The following DNAH17 variants were observed in gnomAD, a reference collection of about 807,000 sequenced individuals.
DNAH17 encodes axonemal beta dynein heavy chain 17.
In DNAH17, 376 loss-of-function variants were observed where a neutral mutation model predicts 485.6. The ratio of observed to expected loss-of-function variants is 0.77; its 90% CI spans 0.71 to 0.84. The LOEUF (loss-of-function observed/expected upper bound fraction) is 0.84, where lower values mean the gene tolerates loss of function less well. Among genes scored for constraint, DNAH17 ranks in the 40% least tolerant of loss-of-function variants. DNAH17 has a pLI of 0.00. For synonymous variants in DNAH17, 3,031 were observed against 2,405.9 expected (o/e 1.26, Z -7.60); for missense variants, 6,370 against 5,839.3 (o/e 1.09, Z -2.96).
chr17:78,554,778 G>A (rs1475130774), intron 14 of DNAH17, among the ~76,000 whole-genome samples: 1 of 151,932 alleles, frequency 6.6e-6, no homozygotes, highest in Non-Finnish European at 1.5e-5. Flanking sequence ...ACGGAGTCTC[G>A]CTCTGCCACC....
chr17:78,468,832 C>T lies in DNAH17; in HGVS notation c.8563G>A (p.Val2855Met), dbSNP rs369279801. Reference protein sequence around the residue: ...IKAAVKNVPSVFLMTDSQVAE... With the variant: ...IKAAVKNVPSMFLMTDSQVAE... ...ACCTGGGAGTCTGTCATCAGGAACA[C>T]CGAGGGAACGTTCTTCACGGCAGCC... Residue 2855 changes from valine (V) to methionine (M), a missense_variant, in exon 55 of 81, where the codon GTG (valine) becomes ATG (methionine). Val to Met is a conservative substitution (Grantham distance 21, BLOSUM62 1). Transcript: ENST00000389840. 3.1e-6 allele frequency: 5 copies of T among 1,613,998 alleles called. No homozygotes were observed. Among genetic ancestry groups the T allele is most frequent in the African/African-American group, 1.3e-5 (1 of 75,040 alleles).
At chr17:78,555,539 G>T (rs62075921) in intron 14 of DNAH17, among the ~76,000 whole-genome samples, 22,295 of 77,784 alleles carry the variant, frequency 0.29, 2,657 homozygotes, top group Middle Eastern at 0.35. Context: ...GCAAGATTCC[G>T]TCACAAAAAA....
At chr17:78,445,756 C>G (rs574716090) in intron 69 of DNAH17, 76 bp from the exon 70 acceptor site, 18 of 1,505,102 alleles carry the variant, frequency 1.2e-5, no homozygotes, top group Non-Finnish European at 1.6e-5. Flanking sequence ...GCGCTGGACT[C>G]GAAGAGGAGT....
At chr17:78,553,527 C>T (rs558591818) in intron 14 of DNAH17, among the ~76,000 whole-genome samples, 3 of 152,080 alleles carry the variant, frequency 2.0e-5, no homozygotes, top group Non-Finnish European at 4.4e-5. Flanking sequence ...GTCTTGAACT[C>T]CTGACCTCAA....
rs541386155 is a variant in DNAH17, at chr17:78,468,431, G to T, written c.8778+186C>A. On this transcript the variant is annotated intron_variant, in intron 55 of 80. Transcript: ENST00000389840. ...CTTTTGGCCCCAAGATACCTCTAACGACCCACGTGAAAAAGTCTCCAGGCT... is the reference window on the plus strand; with the variant it reads ...CTTTTGGCCCCAAGATACCTCTAACTACCCACGTGAAAAAGTCTCCAGGCT... Among the ~76,000 whole-genome samples, 153 of 152,098 alleles carry T rather than the reference G, an allele frequency of 1.0e-3. 2 individuals are homozygous for T. The highest frequency in any genetic ancestry group is 9.6e-4 in the East Asian group (5 of 5,184).
intron 22 of DNAH17, 40 bp downstream of exon 22, chr17:78,529,432 C>T: frequency 6.2e-7 from 1 of 1,602,874 alleles, no homozygotes; most frequent in Non-Finnish European, 8.5e-7. Flanking sequence ...GATGGCTCTC[C>T]CTGCTCACCT....
At chr17:78,425,592 C>G in intron 79 of DNAH17, 21 bp from the exon 80 acceptor site, 1 of 1,584,692 alleles carries the variant, frequency 6.3e-7, no homozygotes, top group East Asian at 2.3e-5. Flanking sequence ...ACACGAGCCG[C>G]TAGGAGGAGA....
chr17:78,528,609 G>A (rs985176663), intron 22 of DNAH17, among the ~76,000 whole-genome samples: 1 of 151,998 alleles, frequency 6.6e-6, no homozygotes, highest in Non-Finnish European at 1.5e-5. Context: ...TGGACGGGCT[G>A]GGAGGAGTTG....
At position 78,463,051 on chromosome 17, in the gene DNAH17, G is replaced by A. The variant is rs190526392; in HGVS notation, c.8967C>T (p.Phe2989=). The change falls in exon 57 of 81, where the codon TTC becomes TTT. Residue 2989 remains phenylalanine (F), a synonymous_variant. Coordinates refer to ENST00000389840, the MANE Select transcript of DNAH17 (RefSeq NM_173628.4). ...IPWEVKASIS[F]FMSYVHTTVN... The stretch of plus-strand genomic sequence containing the variant: ...CGGTGGTGTGCACGTAGGACATGAA[G>A]AAGCTGATGGAGGCCTTGACTTCCC... 160 of 1,613,942 alleles carry A rather than the reference G, an allele frequency of 9.9e-5. No homozygotes were observed. In the African/African-American group the frequency reaches 1.9e-3, roughly 19 times the overall value.
intron 25 of DNAH17, among the ~76,000 whole-genome samples, chr17:78,523,239 T>C (rs933120395): frequency 6.6e-6 from 1 of 152,100 alleles, no homozygotes; most frequent in Non-Finnish European, 1.5e-5. Flanking sequence ...CACTGCAACC[T>C]CCGCCTCCCG....
In DNAH17 at chr17:78,475,748, A is replaced by G; in HGVS notation, c.8240T>C (p.Val2747Ala). The G allele has an allele frequency of 6.2e-7, 1 of 1,613,984 alleles. No homozygotes were observed. Among genetic ancestry groups the G allele is most frequent in the Non-Finnish European group, 8.5e-7 (1 of 1,179,880 alleles). Residue 2747 changes from valine to alanine, a missense_variant, in exon 53 of 81, where the codon GTA becomes GCA. By Grantham distance (64) the Val-to-Ala change is moderately conservative. Transcript: ENST00000389840. The stretch of plus-strand genomic sequence containing the variant: ...CTTGTTCAGAGGAGCCATGTCGGTT[A>G]CAGGAACATATTTGGGATCGCCAAT... The part of the protein sequence containing the change: ...QGIGDPKYVP[V>A]TDMAPLNKLL...
chr17:78,533,624 T>G (rs1459473205), intron 19 of DNAH17, among the ~76,000 whole-genome samples: 3 of 152,166 alleles, frequency 2.0e-5, no homozygotes, highest in African/African-American at 7.2e-5. Flanking sequence ...GACTGGAGAA[T>G]CCCAAGGTGG....
chr17:78,556,211 C>T (rs774284886), intron 14 of DNAH17, among the ~76,000 whole-genome samples: 8 of 152,258 alleles, frequency 5.3e-5, no homozygotes, highest in South Asian at 2.1e-4. Flanking sequence ...CTCTAGCTAC[C>T]GATCTATCTA....
chr17:78,517,372 TAA>T (rs1390200271), intron 25 of DNAH17, among the ~76,000 whole-genome samples: 2 of 152,110 alleles, frequency 1.3e-5, no homozygotes, highest in Non-Finnish European at 2.9e-5. Flanking sequence ...TTCAAAAAAG[TAA>T]AAGAGGAAAG....
Position 78,475,355 on chromosome 17 carries a change from G to T in DNAH17, c.8434C>A (p.Arg2812Ser), listed in dbSNP as rs745603549. The change falls in exon 54 of 81, where the codon CGC becomes AGC. Residue 2812 changes from arginine to serine, a missense_variant. By Grantham distance (110) the Arg-to-Ser change is moderately radical (BLOSUM62 -1). Transcript: ENST00000389840. ...AGCCCGCTGATGTACGCTGCCAGGC[G>T]GGAGAGGCTCTGTTTGCCACTGCCG... ...VGGSGKQSLS[R>S]LAAYISGLDV... 1.9e-6 allele frequency: 3 copies of T among 1,614,002 alleles called. No homozygotes were observed. Among genetic ancestry groups the T allele is most frequent in the Non-Finnish European group, 2.5e-6 (3 of 1,179,906 alleles).
At chr17:78,427,991 G>A (rs2588551) in intron 77 of DNAH17, among the ~76,000 whole-genome samples, 19,901 of 146,166 alleles carry the variant, frequency 0.14, 1,511 homozygotes, top group Middle Eastern at 0.2. Flanking sequence ...AAAAAAAAGT[G>A]GAGGTACCCA....
rs770808262 is a variant in DNAH17 at position 78,475,285 on chromosome 17, T to A, written c.8504A>T (p.Asp2835Val). ...ITLKKGYGIPDLKIDLAAQYI... is the reference protein window; with the variant it reads ...ITLKKGYGIPVLKIDLAAQYI... ...TGAACAGTAAGCTCTCACCTTGAGG[T>A]CGGGGATCCCGTAGCCCTTCTTGAG... The change falls in exon 54 of 81, where the codon GAC becomes GTC. Residue 2835 changes from aspartate (D) to valine (V), a missense_variant. By Grantham distance (152) the Asp-to-Val change is radical (BLOSUM62 -3). Transcript: ENST00000389840. 1 of 1,613,930 alleles carries A rather than the reference T, an allele frequency of 6.2e-7. No homozygotes were observed. Among genetic ancestry groups the A allele is most frequent in the Non-Finnish European group, 8.5e-7 (1 of 1,179,860 alleles).
rs765591522 is a variant in DNAH17 at position 78,450,741 on chromosome 17, T to C, written c.10840A>G (p.Thr3614Ala). ...SAASGNFLGD[T>A]ALVENLETTK... ...GTCTCCAGATTCTCCACCAAGGCCGTGTCTCCCAGAAAGTTCCCCGACGCA... is the reference window on the plus strand; with the variant it reads ...GTCTCCAGATTCTCCACCAAGGCCGCGTCTCCCAGAAAGTTCCCCGACGCA... Residue 3614 changes from threonine to alanine, a missense_variant, in exon 67 of 81, where the codon ACG (threonine) becomes GCG (alanine). Thr to Ala is a moderately conservative substitution (Grantham distance 58). Transcript: ENST00000389840. The C allele has an allele frequency of 6.2e-7, 1 of 1,614,016 alleles. No homozygotes were observed. Among genetic ancestry groups the C allele is most frequent in the Non-Finnish European group, 8.5e-7 (1 of 1,179,904 alleles).
intron 21 of DNAH17, 39 bp from the exon 22 acceptor site, chr17:78,529,733 C>G (rs751783313): frequency 1.2e-5 from 19 of 1,597,954 alleles, no homozygotes; most frequent in African/African-American, 4.0e-5. Context: ...CCCCAGCCCC[C>G]CTTAGGCCCA....
Sources: allele counts gnomAD v4.1 joint callset (sites outside exome capture counted in the v4.1 genomes callset), GRCh38; gene constraint gnomAD v4.1.1; transcripts MANE v1.5; gene names NCBI Gene and HGNC (gene_info 2026-07-23, HGNC 2026-07-21).